CA11: variants seen among roughly 807,000 people sequenced by gnomAD.
CA11 encodes the protein carbonic anhydrase 11 (inactive).
CA11 carries 20 observed loss-of-function variants against 39.3 expected under a neutral mutation model. The observed-to-expected ratio is 0.51, with a 90% CI of 0.36 to 0.74. The LOEUF is 0.74. Ranked by LOEUF, CA11 falls within the 30% of genes least tolerant of loss-of-function variation. The pLI, the probability that CA11 is intolerant of heterozygous loss-of-function variation, is 0.00. For missense variants in CA11, 336 were observed against 424.6 expected (o/e 0.79, Z 1.83); for synonymous variants, 166 against 172.5 (o/e 0.96, Z 0.29).
chr19:48,645,253 T>C, intron 2 of CA11, 150 bp downstream of exon 2: 4 of 655,006 alleles, frequency 6.1e-6, no homozygotes, highest in Non-Finnish European at 1.1e-5. Flanking sequence ...GCCCCTGGGG[T>C]TCAGAAGCTG....
rs1170751226 is a variant in CA11, at chr19:48,643,464, T to C, written c.285+963A>G. Among the ~76,000 whole-genome samples, 5 of 152,084 alleles carry C rather than the reference T, an allele frequency of 3.3e-5. No homozygotes were observed. The highest frequency in any genetic ancestry group is 7.4e-5 in the Non-Finnish European group (5 of 68,022). ...ACCTCGTGATCCACCCACCTCGGCCTCCCGAAGTGCTGGGGTTACAGGCAT... is the reference window on the plus strand; with the variant it reads ...ACCTCGTGATCCACCCACCTCGGCCCCCCGAAGTGCTGGGGTTACAGGCAT... On this transcript the variant is annotated intron_variant, in intron 3 of 8. Transcript: ENST00000084798. This position sits in a 1 kb window ranked among gnomAD's most constrained non-coding sequence, Gnocchi z 4.3.
rs868820529 is a variant in CA11 at position 48,645,890 on chromosome 19, A to T, written c.-258T>A. Reference sequence around the variant, plus strand: ...TCCCGGAACCCTCCAGTCTCCCTCTAGCTCCTGATCTTCCTACTCCTCTCA... The same window carrying T: ...TCCCGGAACCCTCCAGTCTCCCTCTTGCTCCTGATCTTCCTACTCCTCTCA... On this transcript the variant is annotated 5_prime_UTR_variant, in exon 1 of 9. Coordinates refer to ENST00000084798, the MANE Select transcript of CA11 (RefSeq NM_001217.5). 99 of 506,376 alleles carry T rather than the reference A, an allele frequency of 2.0e-4. No individual in the cohort carries two copies. Among genetic ancestry groups the T allele is most frequent in the Middle Eastern group, 5.0e-4 (1 of 2,010 alleles). The allele number at this position is 506,376 out of a possible 1,614,324, so 31.4% of individuals were successfully genotyped here. A position where few individuals can be genotyped will look rare whatever the true frequency, so the allele number is the denominator to read the frequency against.
At chr19:48,642,930 T>G (rs1229907111) in intron 3 of CA11, among the ~76,000 whole-genome samples, 1 of 152,090 alleles carries the variant, frequency 6.6e-6, no homozygotes, top group African/African-American at 2.4e-5. Context: ...CCGGCTCTTA[T>G]AAGAAATGGT....
chr19:48,638,432 T>C, intron 8 of CA11: 1 of 999,850 alleles, frequency 1.0e-6, no homozygotes, highest in Non-Finnish European at 1.2e-6. Context: ...GTGAGATTCC[T>C]GGGCTAAACC....
rs140803568 is a variant in CA11 at position 48,639,347 on chromosome 19, G to A, written c.753C>T (p.Thr251=). 2.5e-6 allele frequency: 4 copies of A among 1,613,670 alleles called. No individual in the cohort carries two copies. In the African/African-American group the frequency reaches 5.3e-5, roughly 22 times the overall value. ...TGAGGGCCCGGTCAATGAGGATCCA[G>A]GTGACAGTCTCGGAGCAGGGCGGGG... The part of the protein sequence containing the change: ...LSTPPCSETV[T]WILIDRALNI... The change falls in exon 7 of 9, where the codon ACC becomes ACT. Residue 251 remains threonine, a synonymous_variant. Coordinates refer to ENST00000084798, the MANE Select transcript of CA11 (RefSeq NM_001217.5).
chr19:48,639,200 T>A (rs918277261), intron 7 of CA11, 105 bp downstream of exon 7: 39 of 1,531,774 alleles, frequency 2.5e-5, no homozygotes, highest in Non-Finnish European at 3.4e-5. Context: ...TCTTACCTAC[T>A]TGAGTTCAGT....
chr19:48,638,085 T>A lies in CA11; in HGVS notation c.*34A>T. ...ACTCCCCTCGCCTTGTGGGGAGGCT[T>A]AGGACGGGCGGGTGCAATCCTCGAA... On this transcript the variant is annotated 3_prime_UTR_variant, in exon 9 of 9. Transcript: ENST00000084798. 7.0e-7 allele frequency: 1 copy of A among 1,437,340 alleles called. No individual in the cohort carries two copies. The highest frequency in any genetic ancestry group is 9.2e-7 in the Non-Finnish European group (1 of 1,089,806). The allele number at this position is 1,437,340 out of a possible 1,614,324, so 89.0% of individuals were successfully genotyped here. A position where few individuals can be genotyped will look rare whatever the true frequency, so the allele number is the denominator to read the frequency against.
chr19:48,638,011 G>T lies in CA11; in HGVS notation c.*108C>A. 1 of 767,524 alleles carries T rather than the reference G, an allele frequency of 1.3e-6. No homozygotes were observed. Among genetic ancestry groups the T allele is most frequent in the Non-Finnish European group, 1.9e-6 (1 of 515,220 alleles). 47.5% of individuals were successfully genotyped at this position (767,524 alleles called of 1,614,324 possible). A position where few individuals can be genotyped will look rare whatever the true frequency, so the allele number is the denominator to read the frequency against. Reference sequence around the variant, plus strand: ...CCACCGCGCCTAGAATCAGACCACTGAGAAAACAGGAAGTATTCTGTCCCT... The same window carrying T: ...CCACCGCGCCTAGAATCAGACCACTTAGAAAACAGGAAGTATTCTGTCCCT... On this transcript the variant is annotated 3_prime_UTR_variant, in exon 9 of 9. Coordinates refer to ENST00000084798, the MANE Select transcript of CA11 (RefSeq NM_001217.5).
Position 48,638,105 on chromosome 19 carries a change from C to T in CA11, c.*14G>A. The T allele has an allele frequency of 7.1e-7, 1 of 1,402,324 alleles. No individual in the cohort carries two copies. The highest frequency in any genetic ancestry group is 9.4e-7 in the Non-Finnish European group (1 of 1,068,740). The allele number at this position is 1,402,324 out of a possible 1,614,324, so 86.9% of individuals were successfully genotyped here. A position where few individuals can be genotyped will look rare whatever the true frequency, so the allele number is the denominator to read the frequency against. On this transcript the variant is annotated 3_prime_UTR_variant, in exon 9 of 9. Transcript: ENST00000084798. Reference sequence around the variant, plus strand: ...AGGCTTAGGACGGGCGGGTGCAATCCTCGAAGGGGAGTCTCAGCGACCATG... The same window carrying T: ...AGGCTTAGGACGGGCGGGTGCAATCTTCGAAGGGGAGTCTCAGCGACCATG...
At position 48,638,379 on chromosome 19, in the gene CA11, G is replaced by A; in HGVS notation, c.962-235C>T. The A allele has an allele frequency of 1.4e-5, 5 of 353,444 alleles. 1 individual carries two copies. Among genetic ancestry groups the A allele is most frequent in the Non-Finnish European group, 1.9e-5 (5 of 259,722 alleles). 21.9% of individuals were successfully genotyped at this position (353,444 alleles called of 1,614,324 possible). ...GAACTACTTGAAGGTCTTCATGGGG[G>A]GGGGGGGGTGTGGACTGTACCATGT... On this transcript the variant is annotated intron_variant, in intron 8 of 8. Transcript: ENST00000084798.
Position 48,643,059 on chromosome 19 carries a change from T to A in CA11, c.285+1368A>T, listed in dbSNP as rs2031136891. ...CTGGACAACATAGTGAGACCCCACC[T>A]CTACAAAAAACTTAAAAAGTTAGCC... On this transcript the variant is annotated intron_variant, in intron 3 of 8. Transcript: ENST00000084798. The surrounding 1 kb of genome is among the most constrained non-coding windows in gnomAD (Gnocchi z 4.3). Among the ~76,000 whole-genome samples the A allele has an allele frequency of 6.6e-6, 1 of 152,124 alleles. No individual in the cohort carries two copies. The highest frequency in any genetic ancestry group is 6.5e-5 in the Admixed American group (1 of 15,272).
intron 3 of CA11, among the ~76,000 whole-genome samples, chr19:48,642,122 C>T (rs1462364225): frequency 2.6e-5 from 4 of 152,144 alleles, no homozygotes; most frequent in African/African-American, 4.8e-5. Context: ...GTCCAGTGAA[C>T]AGAGGAGAGA....
At chr19:48,642,568 T>C (rs950951331) in intron 3 of CA11, among the ~76,000 whole-genome samples, 1 of 152,100 alleles carries the variant, frequency 6.6e-6, no homozygotes, top group Non-Finnish European at 1.5e-5. Flanking sequence ...GCCAAACATA[T>C]AGTAAGTGCT....
At chr19:48,638,783 TA>T in intron 8 of CA11, 104 bp downstream of exon 8, 2 of 1,225,662 alleles carry the variant, frequency 1.6e-6, no homozygotes, top group Non-Finnish European at 2.2e-6. Context: ...CTAGACCATA[TA>T]GACGCAGGAA....
chr19:48,642,435 G>A (rs1284027640), intron 3 of CA11, among the ~76,000 whole-genome samples: 1 of 152,160 alleles, frequency 6.6e-6, no homozygotes, highest in African/African-American at 2.4e-5. Flanking sequence ...GGAGGCGGAG[G>A]TTGCAGTGAT....
At position 48,640,268 on chromosome 19, in the gene CA11, A is replaced by C; in HGVS notation, c.298T>G (p.Leu100Val). ...STGGEKLRGT[L>V]YNTGRHVSFL... ...GAGACATGTCGGCCGGTGTTGTACAAGGTTCCCCGGAGCTGTGGGAGAGGC... is the reference window on the plus strand; with the variant it reads ...GAGACATGTCGGCCGGTGTTGTACACGGTTCCCCGGAGCTGTGGGAGAGGC... Residue 100 changes from leucine (L) to valine (V), a missense_variant, in exon 4 of 9, where the codon TTG (leucine) becomes GTG (valine). Leu to Val is a conservative substitution (Grantham distance 32, BLOSUM62 1). Coordinates refer to ENST00000084798, the MANE Select transcript of CA11 (RefSeq NM_001217.5). 1 of 1,613,074 alleles carries C rather than the reference A, an allele frequency of 6.2e-7. No homozygotes were observed. Among genetic ancestry groups the C allele is most frequent in the Non-Finnish European group, 8.5e-7 (1 of 1,179,706 alleles).
chr19:48,644,429 T>C lies in CA11; in HGVS notation c.283A>G (p.Lys95Glu). 1.3e-6 allele frequency: 2 copies of C among 1,588,768 alleles called. No homozygotes were observed. The highest frequency in any genetic ancestry group is 1.7e-6 in the Non-Finnish European group (2 of 1,164,692). ...PPLRLSTGGEKLRGTLYNTGR... is the reference protein window; with the variant it reads ...PPLRLSTGGEELRGTLYNTGR... ...GCTCCTCCCTCCAAGCCCCTTACCTTCTCTCCTCCAGTGCTGAGCCTTAAT... is the reference window on the plus strand; with the variant it reads ...GCTCCTCCCTCCAAGCCCCTTACCTCCTCTCCTCCAGTGCTGAGCCTTAAT... The change falls in exon 3 of 9, where the codon AAG (lysine) becomes GAG (glutamate). Residue 95 changes from lysine (K) to glutamate (E), a missense_variant and splice_region_variant. By Grantham distance (56) the Lys-to-Glu change is moderately conservative. Coordinates refer to ENST00000084798, the MANE Select transcript of CA11 (RefSeq NM_001217.5).
At chr19:48,638,382 G>GGA in intron 8 of CA11, 2 of 354,968 alleles carry the variant, frequency 5.6e-6, no homozygotes, top group African/African-American at 2.3e-5. Flanking sequence ...CATGGGGGGG[G>GGA]GGGGGTGTGG....
intron 3 of CA11, among the ~76,000 whole-genome samples, chr19:48,640,707 C>CT (rs1182842120): frequency 7.3e-6 from 1 of 137,496 alleles, no homozygotes. Flanking sequence ...CGGAGTCTCG[C>CT]TCTGTCGCCC....
Sources: allele counts gnomAD v4.1 joint callset (sites outside exome capture counted in the v4.1 genomes callset), GRCh38; gene constraint gnomAD v4.1.1; non-coding constraint Gnocchi (gnomAD v3.1); transcripts MANE v1.5; gene names NCBI Gene and HGNC (gene_info 2026-07-23, HGNC 2026-07-21).